LMNB2: variants seen among roughly 807,000 people sequenced by gnomAD.
LMNB2 encodes lamin-B2.
Under a neutral mutation model 69.3 loss-of-function variants are expected in LMNB2, and 17 were observed. That is an observed-to-expected ratio of 0.25 (90% CI 0.17 to 0.37). The LOEUF is 0.37. Ranked by LOEUF, LMNB2 falls within the 10% of genes least tolerant of loss-of-function variation. LMNB2 has a pLI of 1.00. For missense variants in LMNB2, 789 were observed against 883.6 expected (o/e 0.89, Z 1.36); for synonymous variants, 397 against 389.3 (o/e 1.02, Z -0.23).
In LMNB2 at chr19:2,435,059, T is replaced by C; in HGVS notation, c.797A>G (p.Gln266Arg). 6.2e-7 allele frequency: 1 copy of C among 1,610,294 alleles called. No individual in the cohort carries two copies. Among genetic ancestry groups the C allele is most frequent in the Non-Finnish European group, 8.5e-7 (1 of 1,179,438 alleles). The change falls in exon 5 of 12, where the codon CAG (glutamine) becomes CGG (arginine). Residue 266 changes from glutamine (Q) to arginine (R), a missense_variant. This residue lies in a region of LMNB2 where 609 missense variants were observed against 630.9 expected (regional missense o/e 0.97). Transcript: ENST00000325327. ...GTAGAGCCGCACTTGCTCGTCGTGC[T>C]GGCTCCGCAGCTCCTCCAGCGCCTG... ...MAQALEELRS[Q>R]HDEQVRLYKL...
Position 2,428,442 on chromosome 19 carries a change from G to T in LMNB2, c.*2469C>A, listed in dbSNP as rs893058688. Reference sequence around the variant, plus strand: ...CAGATCTTTAACAAAGAACTGCCGCGTGCAGGCTTCAGACCAACCCCAGCC... The same window carrying T: ...CAGATCTTTAACAAAGAACTGCCGCTTGCAGGCTTCAGACCAACCCCAGCC... On this transcript the variant is annotated 3_prime_UTR_variant, in exon 12 of 12. Coordinates refer to ENST00000325327, the MANE Select transcript of LMNB2 (RefSeq NM_032737.4). The T allele has an allele frequency of 1.3e-5, 2 of 152,234 alleles. No individual in the cohort carries two copies. Among genetic ancestry groups the T allele is most frequent in the Admixed American group, 6.5e-5 (1 of 15,286 alleles). The allele number at this position is 152,234 out of a possible 1,614,324, so 9.4% of individuals were successfully genotyped here. A position where few individuals can be genotyped will look rare whatever the true frequency, so the allele number is the denominator to read the frequency against.
intron 1 of LMNB2, 143 bp downstream of exon 1, chr19:2,456,527 C>G (rs1972091892): frequency 6.6e-5 from 55 of 831,392 alleles, no homozygotes; most frequent in Non-Finnish European, 8.3e-5. Flanking sequence ...CACTCAGGGG[C>G]CCCCCGAAAC....
chr19:2,444,096 C>T (rs1971927320), intron 2 of LMNB2, among the ~76,000 whole-genome samples: 3 of 152,172 alleles, frequency 2.0e-5, no homozygotes, highest in Admixed American at 6.5e-5. Context: ...CATGTGCAAG[C>T]GCGTGTGCAC....
rs1010728744 is a variant in LMNB2 at position 2,430,263 on chromosome 19, A to G, written c.*648T>C. On this transcript the variant is annotated 3_prime_UTR_variant, in exon 12 of 12. Coordinates refer to ENST00000325327, the MANE Select transcript of LMNB2 (RefSeq NM_032737.4). ...ACAGTCAGGAACTGAACTGCGGGAA[A>G]ACTCCCCCAAATAAAGTCAACGGTC... 1 of 173,226 alleles carries G rather than the reference A, an allele frequency of 5.8e-6. No individual in the cohort carries two copies. Among genetic ancestry groups the G allele is most frequent in the African/African-American group, 2.4e-5 (1 of 41,716 alleles). The allele number at this position is 173,226 out of a possible 1,614,324, so 10.7% of individuals were successfully genotyped here. A position where few individuals can be genotyped will look rare whatever the true frequency, so the allele number is the denominator to read the frequency against.
chr19:2,440,725 C>T (rs1272856797), intron 2 of LMNB2, among the ~76,000 whole-genome samples: 1 of 148,462 alleles, frequency 6.7e-6, no homozygotes, highest in Non-Finnish European at 1.5e-5. Context: ...TCTACTCATC[C>T]ATCCATCCAT....
In LMNB2 at chr19:2,432,534, C is replaced by T. The variant is rs191041189; in HGVS notation, c.1483-11G>A. The stretch of plus-strand genomic sequence containing the variant: ...CCCCAGAGACTGATCCTGGAAGACA[C>T]GGCACACACCTGACCCTCAGCCACC... On this transcript the variant is annotated splice_polypyrimidine_tract_variant and intron_variant, in intron 8 of 11. Transcript: ENST00000325327. The T allele has an allele frequency of 1.0e-3, 1,669 of 1,601,520 alleles. 4 individuals are homozygous for T. Among genetic ancestry groups the T allele is most frequent in the Non-Finnish European group, 1.3e-3 (1,509 of 1,168,900 alleles).
intron 1 of LMNB2, 59 bp from the exon 2 acceptor site, chr19:2,444,599 T>C: frequency 6.3e-7 from 1 of 1,594,400 alleles, no homozygotes; most frequent in Admixed American, 1.7e-5. Flanking sequence ...ACTACAGCAG[T>C]CAGGGGGCCC....
rs1416206340 is a variant in LMNB2, at chr19:2,453,693, C to T, written c.264+2977G>A. Among the ~76,000 whole-genome samples, 3 of 152,160 alleles carry T rather than the reference C, an allele frequency of 2.0e-5. No individual in the cohort carries two copies. Among genetic ancestry groups the T allele is most frequent in the East Asian group, 1.9e-4 (1 of 5,184 alleles). On this transcript the variant is annotated intron_variant, in intron 1 of 11. Coordinates refer to ENST00000325327, the MANE Select transcript of LMNB2 (RefSeq NM_032737.4). The surrounding 1 kb of genome is among the most constrained non-coding windows in gnomAD (Gnocchi z 4.4). ...AACTGAGTTGTAAAGGATGCTGCTG[C>T]GGCCCCGAGAGGTGGCTGGGCCAGG...
At chr19:2,440,101 AC>A (rs1234035098) in intron 2 of LMNB2, among the ~76,000 whole-genome samples, 1 of 148,250 alleles carries the variant, frequency 6.7e-6, no homozygotes, top group Non-Finnish European at 1.5e-5. Flanking sequence ...GCTGAAAGTG[AC>A]CGTATGTCTG....
At chr19:2,435,392 A>G (rs1046923494) in intron 4 of LMNB2, among the ~76,000 whole-genome samples, 2 of 152,252 alleles carry the variant, frequency 1.3e-5, no homozygotes, top group African/African-American at 4.8e-5. Context: ...TGACACCGCC[A>G]CAGCATGGAT....
chr19:2,447,506 T>C lies in LMNB2; in HGVS notation c.265-2966A>G, dbSNP rs949671103. On this transcript the variant is annotated intron_variant, in intron 1 of 11. Coordinates refer to ENST00000325327, the MANE Select transcript of LMNB2 (RefSeq NM_032737.4). The surrounding 1 kb of genome is among the most constrained non-coding windows in gnomAD (Gnocchi z 4.4). The stretch of plus-strand genomic sequence containing the variant: ...TTGGACACATTGGTGGTGGCACAGC[T>C]GTGGAGATATGAAAACGCGAAACCT... Among the ~76,000 whole-genome samples the C allele has an allele frequency of 6.6e-6, 1 of 152,126 alleles. No individual in the cohort carries two copies. Among genetic ancestry groups the C allele is most frequent in the Non-Finnish European group, 1.5e-5 (1 of 68,026 alleles).
chr19:2,448,857 G>T (rs555021547), intron 1 of LMNB2, among the ~76,000 whole-genome samples: 1 of 151,986 alleles, frequency 6.6e-6, no homozygotes, highest in African/African-American at 2.4e-5. Flanking sequence ...AAAATAAAAA[G>T]AAAAAGAATC....
At position 2,444,354 on chromosome 19, in the gene LMNB2, C is replaced by G; in HGVS notation, c.401+50G>C. On this transcript the variant is annotated intron_variant, in intron 2 of 11. Coordinates refer to ENST00000325327, the MANE Select transcript of LMNB2 (RefSeq NM_032737.4). ...CCAGCGCCCACCTGCCCCCGTCCAC[C>G]CCGTGGTGCCAGGATCAGGGTGACG... 2.5e-6 allele frequency: 4 copies of G among 1,610,598 alleles called. No homozygotes were observed. In the South Asian group the frequency reaches 4.4e-5, roughly 18 times the overall value.
chr19:2,434,094 G>A lies in LMNB2; in HGVS notation c.1214C>T (p.Ser405Phe), dbSNP rs752957340. Residue 405 changes from serine (S) to phenylalanine (F), a missense_variant, in exon 8 of 12, where the codon TCC becomes TTC. By Grantham distance (155) the Ser-to-Phe change is radical. This residue lies in a region of LMNB2 where 609 missense variants were observed against 630.9 expected (regional missense o/e 0.97). Coordinates refer to ENST00000325327, the MANE Select transcript of LMNB2 (RefSeq NM_032737.4). The part of the protein sequence containing the change: ...LEGEEERLKL[S>F]PSPSSRVTVS... ...GGTGACGCGCGAGGATGGGCTGGGG[G>A]ACAGCTTCAGCCTGTGGGGAAGGCA... 138 of 1,587,978 alleles carry A rather than the reference G, an allele frequency of 8.7e-5. No individual in the cohort carries two copies. The highest frequency in any genetic ancestry group is 1.2e-4 in the Non-Finnish European group (137 of 1,169,412).
rs925449642 is a variant in LMNB2, at chr19:2,453,907, G to A, written c.264+2763C>T. On this transcript the variant is annotated intron_variant, in intron 1 of 11. Transcript: ENST00000325327. The surrounding 1 kb of genome is among the most constrained non-coding windows in gnomAD (Gnocchi z 4.4). The stretch of plus-strand genomic sequence containing the variant: ...CCTGCACGCCACGGGTCCAGCAGGC[G>A]GCCTCTAAGTTGGGACAACTCCGCA... Among the ~76,000 whole-genome samples, 1 of 152,154 alleles carries A rather than the reference G, an allele frequency of 6.6e-6. No homozygotes were observed. The highest frequency in any genetic ancestry group is 2.4e-5 in the African/African-American group (1 of 41,428).
chr19:2,446,487 C>T (rs1971957524), intron 1 of LMNB2, among the ~76,000 whole-genome samples: 1 of 152,238 alleles, frequency 6.6e-6, no homozygotes, highest in African/African-American at 2.4e-5. Flanking sequence ...CCGCCACCTG[C>T]CCGGCCTCTG....
intron 1 of LMNB2, among the ~76,000 whole-genome samples, chr19:2,451,609 G>A (rs905970724): frequency 6.6e-6 from 1 of 152,158 alleles, no homozygotes; most frequent in African/African-American, 2.4e-5. Context: ...GGACAGGCTG[G>A]GCCTTTTCTT....
At chr19:2,438,580 C>T (rs1216595464) in intron 2 of LMNB2, 49 bp from the exon 3 acceptor site, 3 of 1,591,394 alleles carry the variant, frequency 1.9e-6, no homozygotes, top group Non-Finnish European at 2.6e-6. Flanking sequence ...GTCCATGGGG[C>T]CACAGGGAGC....
chr19:2,435,044 A>C lies in LMNB2; in HGVS notation c.812T>G (p.Val271Gly). The change falls in exon 5 of 12, where the codon GTG becomes GGG. Residue 271 changes from valine to glycine, a missense_variant. Physicochemically the swap from Val to Gly is moderately radical, Grantham distance 109. This residue lies in a region of LMNB2 where 609 missense variants were observed against 630.9 expected (regional missense o/e 0.97). Coordinates refer to ENST00000325327, the MANE Select transcript of LMNB2 (RefSeq NM_032737.4). ...EELRSQHDEQ[V>G]RLYKLELEQT... ...CTCCAGCTCCAGCTTGTAGAGCCGC[A>C]CTTGCTCGTCGTGCTGGCTCCGCAG... 1 of 1,583,422 alleles carries C rather than the reference A, an allele frequency of 6.3e-7. No homozygotes were observed. Among genetic ancestry groups the C allele is most frequent in the Non-Finnish European group, 8.6e-7 (1 of 1,163,706 alleles).
Sources: allele counts gnomAD v4.1 joint callset (sites outside exome capture counted in the v4.1 genomes callset), GRCh38; gene constraint gnomAD v4.1.1; regional missense constraint gnomAD v4.1.1; non-coding constraint Gnocchi (gnomAD v3.1); transcripts MANE v1.5; gene names NCBI Gene and HGNC (gene_info 2026-07-23, HGNC 2026-07-21).